SRRM4: variants seen among roughly 807,000 people sequenced by gnomAD.
SRRM4 encodes the protein serine/arginine repetitive matrix 4.
Under a neutral mutation model 68.9 loss-of-function variants are expected in SRRM4, and 33 were observed. That is an observed-to-expected ratio of 0.48 (90% CI 0.36 to 0.64). The LOEUF (loss-of-function observed/expected upper bound fraction) is 0.64, where lower values mean the gene tolerates loss of function less well. Ranked by LOEUF, SRRM4 falls within the 30% of genes least tolerant of loss-of-function variation. The pLI is 0.00. For missense variants in SRRM4, 817 were observed against 827.1 expected, an observed-to-expected ratio of 0.99 and a Z score of 0.15; for synonymous variants, 318 against 318.8, an observed-to-expected ratio of 1.00 and a Z score of 0.03.
chr12:118,988,137 A>G (rs112479352), intron 1 of SRRM4, among the ~76,000 whole-genome samples: 2 of 152,128 alleles, frequency 1.3e-5, no homozygotes, highest in African/African-American at 4.8e-5. Flanking sequence ...TAAAAAAAAA[A>G]CAGCGAAGGG....
intron 1 of SRRM4, among the ~76,000 whole-genome samples, chr12:118,987,034 T>C (rs73405963): frequency 0.049 from 7,404 of 152,206 alleles, 217 homozygotes; most frequent in Middle Eastern, 0.095. Context: ...TTCGCTGAAG[T>C]GTGAGAGAAT....
chr12:119,152,668 T>G (rs1227078306), intron 10 of SRRM4, among the ~76,000 whole-genome samples: 2 of 152,206 alleles, frequency 1.3e-5, no homozygotes, highest in Non-Finnish European at 2.9e-5. Context: ...AAAAACAGGT[T>G]TCATCTTGAC....
chr12:119,064,974 G>A (rs1256090022), intron 1 of SRRM4, among the ~76,000 whole-genome samples: 1 of 152,074 alleles, frequency 6.6e-6, no homozygotes, highest in African/African-American at 2.4e-5. Flanking sequence ...ATAACAATAC[G>A]AGTTATGATT....
chr12:118,998,724 TA>T (rs1448315916), intron 1 of SRRM4, among the ~76,000 whole-genome samples: 1 of 152,240 alleles, frequency 6.6e-6, no homozygotes, highest in Non-Finnish European at 1.5e-5. Flanking sequence ...GTGAAATACA[TA>T]AACAATTAGG....
rs982037292 is a variant in SRRM4 at position 119,115,876 on chromosome 12, A to AT, written c.366-1051dup. 3.2e-3 allele frequency among the ~76,000 whole-genome samples: 474 copies of AT among 150,144 alleles called. 2 individuals are homozygous for AT. The highest frequency in any genetic ancestry group is 0.011 in the African/African-American group (447 of 40,958). ...TTTGTTTGACCTGCAAAGTGATTTG[A>AT]TTTTTTTTTTAATTGGTGGTCAACA... On this transcript the variant is annotated intron_variant, in intron 3 of 12. Transcript: ENST00000267260.
At chr12:119,051,304 A>G (rs2136017000) in intron 1 of SRRM4, among the ~76,000 whole-genome samples, 1 of 152,258 alleles carries the variant, frequency 6.6e-6, no homozygotes, top group East Asian at 1.9e-4. Flanking sequence ...TATTTACAAC[A>G]CTCAACAGTT....
chr12:119,045,135 C>A (rs1953697381), intron 1 of SRRM4, among the ~76,000 whole-genome samples: 1 of 152,110 alleles, frequency 6.6e-6, no homozygotes, highest in Admixed American at 6.5e-5. Flanking sequence ...GATGTGGGGA[C>A]TGAGATCCAA....
intron 6 of SRRM4, among the ~76,000 whole-genome samples, chr12:119,123,305 G>A (rs1954234840): frequency 6.6e-6 from 1 of 152,172 alleles, no homozygotes; most frequent in South Asian, 2.1e-4. Context: ...GTTAGCTGAG[G>A]GAAGAACTTC....
chr12:119,054,001 C>T (rs1326187064), intron 1 of SRRM4, among the ~76,000 whole-genome samples: 1 of 152,098 alleles, frequency 6.6e-6, no homozygotes, highest in Non-Finnish European at 1.5e-5. Context: ...TTTCTTTACC[C>T]ATAAACCATC....
intron 1 of SRRM4, among the ~76,000 whole-genome samples, chr12:119,035,884 C>G (rs1167064708): frequency 1.3e-5 from 2 of 152,252 alleles, no homozygotes; most frequent in East Asian, 3.9e-4. Flanking sequence ...TATCTGCTGG[C>G]CCCTGGCTTA....
intron 12 of SRRM4, among the ~76,000 whole-genome samples, chr12:119,156,267 G>A (rs745846822): frequency 1.4e-4 from 22 of 152,270 alleles, no homozygotes; most frequent in Admixed American, 8.5e-4. Flanking sequence ...CTTGCTTCAT[G>A]GGGGAAAGAA....
intron 1 of SRRM4, among the ~76,000 whole-genome samples, chr12:119,046,289 G>A (rs1159018187): frequency 1.3e-5 from 2 of 152,046 alleles, no homozygotes; most frequent in Non-Finnish European, 2.9e-5. Flanking sequence ...TCTGACCTCA[G>A]CCAAGAAAAA....
intron 10 of SRRM4, 86 bp downstream of exon 10, chr12:119,151,306 G>A (rs1269059461): frequency 1.6e-6 from 2 of 1,278,924 alleles, no homozygotes; most frequent in East Asian, 2.3e-5. Context: ...CCATGGGGGA[G>A]AGAAGTCAGA....
chr12:119,114,169 T>TGGGTCCTTG, intron 2 of SRRM4, 109 bp from the exon 3 acceptor site: 2 of 823,216 alleles, frequency 2.4e-6, no homozygotes, highest in Non-Finnish European at 2.0e-6. Flanking sequence ...GCACTGGCTA[T>TGGGTCCTTG]AGGTCCTTGA....
intron 9 of SRRM4, among the ~76,000 whole-genome samples, chr12:119,147,970 C>G (rs960826310): frequency 6.6e-6 from 1 of 152,342 alleles, no homozygotes; most frequent in African/African-American, 2.4e-5. Context: ...CTCTGCCAGA[C>G]ACTCAGCCTG....
At chr12:119,126,001 A>G (rs1954256788) in intron 7 of SRRM4, among the ~76,000 whole-genome samples, 1 of 137,900 alleles carries the variant, frequency 7.3e-6, no homozygotes, top group African/African-American at 2.7e-5. Context: ...GAATGACAAC[A>G]CCATACTAGC....
intron 7 of SRRM4, among the ~76,000 whole-genome samples, chr12:119,126,451 T>G (rs1954260687): frequency 6.6e-6 from 1 of 152,170 alleles, no homozygotes; most frequent in Non-Finnish European, 1.5e-5. Context: ...TACTAGTCTC[T>G]TAGCAACTAA....
chr12:119,045,486 TC>T (rs1186917394), intron 1 of SRRM4, among the ~76,000 whole-genome samples: 1 of 21,372 alleles, frequency 4.7e-5, no homozygotes, highest in East Asian at 1.6e-3. Flanking sequence ...ACTCCCCCGC[TC>T]CCCCCCGCCC....
intron 1 of SRRM4, among the ~76,000 whole-genome samples, chr12:119,062,098 G>C (rs879569773): frequency 6.6e-6 from 1 of 152,196 alleles, no homozygotes; most frequent in African/African-American, 2.4e-5. Context: ...CTACCAACCT[G>C]CACAGCATGT....
Sources: allele counts gnomAD v4.1 joint callset (sites outside exome capture counted in the v4.1 genomes callset), GRCh38; gene constraint gnomAD v4.1.1; transcripts MANE v1.5; gene names NCBI Gene and HGNC (gene_info 2026-07-23, HGNC 2026-07-21).